Variants in CSF3 observed in about 807,000 individuals in gnomAD.
CSF3 encodes colony stimulating factor 3, also known as granulocyte colony-stimulating factor.
A neutral mutation model predicts 20.2 loss-of-function variants in CSF3; 17 were observed. That is an observed-to-expected ratio of 0.84 (90% CI 0.58 to 1.26). The LOEUF (loss-of-function observed/expected upper bound fraction) is 1.26. Among genes scored for constraint, CSF3 ranks in the 50% most tolerant of loss-of-function variants. The pLI, the probability that CSF3 is intolerant of heterozygous loss-of-function variation, is 0.00. For missense variants in CSF3, 210 were observed against 256.0 expected, an observed-to-expected ratio of 0.82 and a Z score of 1.23; for synonymous variants, 125 against 115.3, an observed-to-expected ratio of 1.08 and a Z score of -0.54.
Position 40,015,713 on chromosome 17 carries a change from C to G in CSF3, c.63C>G (p.His21Gln), listed in dbSNP as rs749644234. ...KLMALQLLLW[H>Q]SALWTVQEAT... Reference sequence around the variant, plus strand: ...CAGCCCTGCAGCTGCTGCTGTGGCACAGTGCACTCTGGACAGTGCAGGAAG... The same window carrying G: ...CAGCCCTGCAGCTGCTGCTGTGGCAGAGTGCACTCTGGACAGTGCAGGAAG... The change falls in exon 2 of 5, where the codon CAC (histidine) becomes CAG (glutamine). Residue 21 changes from histidine (H) to glutamine (Q), a missense_variant. Physicochemically the swap from His to Gln is conservative, Grantham distance 24. Coordinates refer to ENST00000394149, the MANE Select transcript of CSF3 (RefSeq NM_172219.3). 1 of 1,590,192 alleles carries G rather than the reference C, an allele frequency of 6.3e-7. No homozygotes were observed. The highest frequency in any genetic ancestry group is 1.1e-5 in the South Asian group (1 of 88,266).
rs1421771765 is a variant in CSF3 at position 40,016,238 on chromosome 17, C to T, written c.201C>T (p.Ala67=). The T allele has an allele frequency of 1.3e-6, 2 of 1,550,180 alleles. No homozygotes were observed. The highest frequency in any genetic ancestry group is 1.4e-5 in the African/African-American group (1 of 73,062). Residue 67 remains alanine, a synonymous_variant, in exon 3 of 5, where the codon GCC becomes GCT. Coordinates refer to ENST00000394149, the MANE Select transcript of CSF3 (RefSeq NM_172219.3). ...CAGCATCCTTCCATCCCCAGTGTGC[C>T]ACCTACAAGCTGTGCCACCCCGAGG... The part of the protein sequence containing the change: ...DGAALQEKLC[A]TYKLCHPEEL...
intron 1 of CSF3, 50 bp downstream of exon 1, chr17:40,015,564 G>A (rs1339012814): frequency 6.5e-7 from 1 of 1,549,968 alleles, no homozygotes; most frequent in South Asian, 1.2e-5. Context: ...GGCATGGGAG[G>A]GAGGCTGGTG....
Position 40,015,582 on chromosome 17 carries a change from G to A in CSF3, c.40+68G>A, listed in dbSNP as rs755246456. ...ATGGGAGGGAGGCTGGTGTGACAGA[G>A]GGGCTGGGGATCCCCGTTCTGGGAA... On this transcript the variant is annotated intron_variant, in intron 1 of 4. Coordinates refer to ENST00000394149, the MANE Select transcript of CSF3 (RefSeq NM_172219.3). The A allele has an allele frequency of 2.6e-6, 4 of 1,548,650 alleles. No individual in the cohort carries two copies. In the East Asian group the frequency reaches 9.8e-5, roughly 38 times the overall value.
At chr17:40,016,111 A>C in intron 2 of CSF3, 122 bp from the exon 3 acceptor site, 1 of 859,556 alleles carries the variant, frequency 1.2e-6, no homozygotes, top group Non-Finnish European at 1.8e-6. Flanking sequence ...TGCAGGGCAG[A>C]GAGGAACTGA....
chr17:40,015,758 C>CAGCTCCCTGCCCCAG lies in CSF3; in HGVS notation c.113_127dup (p.Ser38_Ser42dup), dbSNP rs754499357. On this transcript the variant is annotated inframe_insertion, in exon 2 of 5. Coordinates refer to ENST00000394149, the MANE Select transcript of CSF3 (RefSeq NM_172219.3). ...AGGAAGCCACCCCCCTGGGCCCTGCCAGCTCCCTGCCCCAGAGCTTCCTGC... is the reference window on the plus strand; with the variant it reads ...AGGAAGCCACCCCCCTGGGCCCTGCCAGCTCCCTGCCCCAGAGCTCCCTGCCCCAGAGCTTCCTGC... 3 of 1,603,902 alleles carry CAGCTCCCTGCCCCAG rather than the reference C, an allele frequency of 1.9e-6. No individual in the cohort carries two copies. Among genetic ancestry groups the CAGCTCCCTGCCCCAG allele is most frequent in the Non-Finnish European group, 2.6e-6 (3 of 1,174,892 alleles).
chr17:40,017,305 T>G lies in CSF3; in HGVS notation c.*346T>G. ...GGTCTCCCACGTGGGAGACAAGAAA[T>G]CCCTGTTTAATATTTAAACAGCAGT... is the stretch of plus-strand genomic sequence containing the variant. On this transcript the variant is annotated 3_prime_UTR_variant, in exon 5 of 5. Transcript: ENST00000394149. The G allele has an allele frequency of 5.9e-6, 1 of 170,486 alleles. No homozygotes were observed. Among genetic ancestry groups the G allele is most frequent in the Admixed American group, 6.2e-5 (1 of 16,100 alleles). 10.6% of individuals were successfully genotyped at this position (170,486 alleles called of 1,614,324 possible). A position where few individuals can be genotyped will look rare whatever the true frequency, so the allele number is the denominator to read the frequency against.
At chr17:40,015,633 C>A in intron 1 of CSF3, 58 bp from the exon 2 acceptor site, 1 of 1,546,132 alleles carries the variant, frequency 6.5e-7, no homozygotes, top group East Asian at 2.4e-5. Flanking sequence ...CCCAGTGTCC[C>A]CGAGAGGGCC....
At position 40,015,520 on chromosome 17, in the gene CSF3, T is replaced by C. The variant is rs749791161; in HGVS notation, c.40+6T>C. 2.6e-6 allele frequency: 4 copies of C among 1,550,146 alleles called. No individual in the cohort carries two copies. The highest frequency in any genetic ancestry group is 3.5e-6 in the Non-Finnish European group (4 of 1,146,656). On this transcript the variant is annotated splice_donor_region_variant and intron_variant, in intron 1 of 4. Coordinates refer to ENST00000394149, the MANE Select transcript of CSF3 (RefSeq NM_172219.3). ...GAGCCCCATGAAGCTGATGGGTGAG[T>C]GTCTTGGCCCAGGATGGGAGAGCCG...
Position 40,016,276 on chromosome 17 carries a change from T to C in CSF3, c.239T>C (p.Leu80Pro). Residue 80 changes from leucine to proline, a missense_variant, in exon 3 of 5, where the codon CTC (leucine) becomes CCC (proline). Coordinates refer to ENST00000394149, the MANE Select transcript of CSF3 (RefSeq NM_172219.3). ...TGCCACCCCGAGGAGCTGGTGCTGC[T>C]CGGACACTCTCTGGGCATCCCCTGG... ...KLCHPEELVL[L>P]GHSLGIPWAP... The C allele has an allele frequency of 6.3e-7, 1 of 1,585,924 alleles. No homozygotes were observed. The highest frequency in any genetic ancestry group is 8.6e-7 in the Non-Finnish European group (1 of 1,166,378).
Position 40,016,955 on chromosome 17 carries a change from C to T in CSF3, c.611C>T (p.Pro204Leu). Residue 204 changes from proline to leucine, a missense_variant, in exon 5 of 5, where the codon CCC becomes CTC. Coordinates refer to ENST00000394149, the MANE Select transcript of CSF3 (RefSeq NM_172219.3). Reference protein sequence around the residue: ...SYRVLRHLAQP With the variant: ...SYRVLRHLAQL ...CGCGTTCTACGCCACCTTGCCCAGC[C>T]CTGAGCCAAGCCCTCCCCATCCCAT... 1 of 1,575,286 alleles carries T rather than the reference C, an allele frequency of 6.3e-7. No individual in the cohort carries two copies. The highest frequency in any genetic ancestry group is 8.6e-7 in the Non-Finnish European group (1 of 1,160,750).
In CSF3 at chr17:40,015,501, C is replaced by G; in HGVS notation, c.27C>G (p.Pro9=). Residue 9 remains proline, a synonymous_variant, in exon 1 of 5, where the codon CCC becomes CCG. Coordinates refer to ENST00000394149, the MANE Select transcript of CSF3 (RefSeq NM_172219.3). ...TGGCTGGACCTGCCACCCAGAGCCC[C>G]ATGAAGCTGATGGGTGAGTGTCTTG... MAGPATQS[P]MKLMALQLLL... 1 of 1,551,456 alleles carries G rather than the reference C, an allele frequency of 6.4e-7. No individual in the cohort carries two copies. Among genetic ancestry groups the G allele is most frequent in the Non-Finnish European group, 8.7e-7 (1 of 1,146,992 alleles).
At chr17:40,015,597 C>G (rs953815169) in intron 1 of CSF3, 83 bp downstream of exon 1, 1 of 1,546,890 alleles carries the variant, frequency 6.5e-7, no homozygotes, top group East Asian at 2.4e-5. Context: ...TGGGGATCCC[C>G]GTTCTGGGAA....
At chr17:40,016,435 C>T (rs772085839) in intron 3 of CSF3, 50 bp from the exon 4 acceptor site, 1 of 1,609,404 alleles carries the variant, frequency 6.2e-7, no homozygotes, top group East Asian at 2.2e-5. Flanking sequence ...AAGCTGGGGG[C>T]CTGACGTATC....
intron 1 of CSF3, 80 bp downstream of exon 1, chr17:40,015,594 C>T: frequency 6.5e-7 from 1 of 1,547,080 alleles, no homozygotes; most frequent in Non-Finnish European, 8.7e-7. Context: ...GGCTGGGGAT[C>T]CCCGTTCTGG....
intron 1 of CSF3, 22 bp downstream of exon 1, chr17:40,015,536 G>A (rs1384136148): frequency 6.4e-7 from 1 of 1,550,970 alleles, no homozygotes. Flanking sequence ...GGCCCAGGAT[G>A]GGAGAGCCGC....
chr17:40,016,163 T>TCGGGGAGGACC lies in CSF3; in HGVS notation c.196-65_196-55dup. ...TGGAGGGAGGGGAAAGACCAGAGAG[T>TCGGGGAGGACC]CGGGGAGGACCCGGGAAGGAGCGGC... On this transcript the variant is annotated intron_variant, in intron 2 of 4. Coordinates refer to ENST00000394149, the MANE Select transcript of CSF3 (RefSeq NM_172219.3). The TCGGGGAGGACC allele has an allele frequency of 2.5e-6, 3 of 1,215,182 alleles. No homozygotes were observed. The Admixed American group carries it at 6.9e-5, about 28-fold the overall frequency. The allele number at this position is 1,215,182 out of a possible 1,614,324, so 75.3% of individuals were successfully genotyped here.
rs1258323759 is a variant in CSF3, at chr17:40,015,744, C to T, written c.94C>T (p.Pro32Ser). 6.3e-7 allele frequency: 1 copy of T among 1,599,378 alleles called. No homozygotes were observed. Among genetic ancestry groups the T allele is most frequent in the South Asian group, 1.1e-5 (1 of 88,822 alleles). The change falls in exon 2 of 5, where the codon CCC (proline) becomes TCC (serine). Residue 32 changes from proline (P) to serine (S), a missense_variant. Pro to Ser is a moderately conservative substitution (Grantham distance 74). Coordinates refer to ENST00000394149, the MANE Select transcript of CSF3 (RefSeq NM_172219.3). ...SALWTVQEAT[P>S]LGPASSLPQS... ...ACTCTGGACAGTGCAGGAAGCCACC[C>T]CCCTGGGCCCTGCCAGCTCCCTGCC...
At chr17:40,015,555 G>C in intron 1 of CSF3, 41 bp downstream of exon 1, 2 of 1,550,400 alleles carry the variant, frequency 1.3e-6, no homozygotes, top group Non-Finnish European at 1.7e-6. Flanking sequence ...GCCTGCCCTG[G>C]CATGGGAGGG....
At chr17:40,016,669 G>A (rs1421291296) in intron 4 of CSF3, 38 bp downstream of exon 4, 1 of 1,613,062 alleles carries the variant, frequency 6.2e-7, no homozygotes, top group Non-Finnish European at 8.5e-7. Context: ...GGTCGTGCTG[G>A]CATTCTGGGC....
Sources: gnomAD v4.1 joint callset for allele counts on GRCh38, gnomAD v4.1.1 for gene constraint, MANE v1.5 for transcripts, NCBI Gene and HGNC (gene_info 2026-07-23, HGNC 2026-07-21) for gene names.